CDH4: variants seen among roughly 807,000 people sequenced by gnomAD.
CDH4 encodes the protein cadherin 4, also known as cadherin-4.
CDH4 carries 33 observed loss-of-function variants against 86.0 expected under a neutral mutation model. The observed-to-expected ratio is 0.38, with a 90% CI of 0.29 to 0.51. The LOEUF (loss-of-function observed/expected upper bound fraction) is 0.51. CDH4 is among the 20% of genes least tolerant of loss of function. The pLI, the probability that CDH4 is intolerant of heterozygous loss-of-function variation, is 0.86. For missense variants in CDH4, 1,114 were observed against 1,307.4 expected, an observed-to-expected ratio of 0.85 and a Z score of 2.28; for synonymous variants, 555 against 549.4, an observed-to-expected ratio of 1.01 and a Z score of -0.14.
In CDH4 at chr20:61,940,452, A is replaced by G. The variant is rs573362605; in HGVS notation, c.*3509A>G. 6.6e-6 allele frequency: 1 copy of G among 150,734 alleles called. No homozygotes were observed. Among genetic ancestry groups the G allele is most frequent in the African/African-American group, 2.4e-5 (1 of 41,008 alleles). The allele number at this position is 150,734 out of a possible 1,614,324, so 9.3% of individuals were successfully genotyped here. A position where few individuals can be genotyped will look rare whatever the true frequency, so the allele number is the denominator to read the frequency against. On this transcript the variant is annotated 3_prime_UTR_variant, in exon 16 of 16. Transcript: ENST00000614565. Reference sequence around the variant, plus strand: ...TGTATTGTTGTTTGTATCATTTTGTACCAAAAAAAAAAAGGAAAAAAAAAG... The same window carrying G: ...TGTATTGTTGTTTGTATCATTTTGTGCCAAAAAAAAAAAGGAAAAAAAAAG...
chr20:61,537,478 G>A (rs764095145), intron 2 of CDH4, among the ~76,000 whole-genome samples: 5 of 152,246 alleles, frequency 3.3e-5, no homozygotes, highest in East Asian at 1.9e-4. Context: ...GCTGGGGACC[G>A]CAACCTCACA....
At position 61,938,482 on chromosome 20, in the gene CDH4, G is replaced by A. The variant is rs1320073879; in HGVS notation, c.*1539G>A. The A allele has an allele frequency of 1.3e-5, 2 of 152,490 alleles. No individual in the cohort carries two copies. The highest frequency in any genetic ancestry group is 3.8e-4 in the East Asian group (2 of 5,206). The allele number at this position is 152,490 out of a possible 1,614,324, so 9.4% of individuals were successfully genotyped here. On this transcript the variant is annotated 3_prime_UTR_variant, in exon 16 of 16. Transcript: ENST00000614565. The stretch of plus-strand genomic sequence containing the variant: ...CTTGGTCAGCTTTCTGTCTCTCCCA[G>A]GCCAGTGACAACTGGCTTCCCGAGG...
chr20:61,360,281 G>C lies in CDH4; in HGVS notation c.169+105344G>C, dbSNP rs567819426. ...TCCTTACCCTTGAGGATCTTTCCAG[G>C]GTATGAAGGATACCAGGTGAGACGT... On this transcript the variant is annotated intron_variant, in intron 2 of 15. Coordinates refer to ENST00000614565, the MANE Select transcript of CDH4 (RefSeq NM_001794.5). Among the ~76,000 whole-genome samples, 51 of 152,324 alleles carry C rather than the reference G, an allele frequency of 3.3e-4. No homozygotes were observed. In the South Asian group the frequency reaches 0.011, roughly 32 times the overall value.
In CDH4 at chr20:61,929,593, T is replaced by C. The variant is rs373569250; in HGVS notation, c.2006-16T>C. 4.4e-6 allele frequency: 7 copies of C among 1,599,772 alleles called. No individual in the cohort carries two copies. In the African/African-American group the frequency reaches 9.4e-5, roughly 21 times the overall value. ...GGCCGGGCTCTGGTTGAATGTTTAC[T>C]GTTGCTTTGCACCAGGTGACTATGC... On this transcript the variant is annotated splice_polypyrimidine_tract_variant and intron_variant, in intron 12 of 15. Coordinates refer to ENST00000614565, the MANE Select transcript of CDH4 (RefSeq NM_001794.5).
intron 2 of CDH4, among the ~76,000 whole-genome samples, chr20:61,494,414 T>A (rs969832340): frequency 3.3e-5 from 5 of 152,248 alleles, no homozygotes; most frequent in African/African-American, 1.2e-4. Flanking sequence ...ACAAATGCAT[T>A]GTTATCCATT....
At chr20:61,909,101 C>T (rs1399403739) in intron 8 of CDH4, among the ~76,000 whole-genome samples, 2 of 152,212 alleles carry the variant, frequency 1.3e-5, no homozygotes, top group African/African-American at 4.8e-5. Flanking sequence ...AACTCCAGGA[C>T]ACAACATTCT....
intron 2 of CDH4, among the ~76,000 whole-genome samples, chr20:61,531,022 G>A (rs536063888): frequency 1.3e-5 from 2 of 151,872 alleles, no homozygotes; most frequent in East Asian, 1.9e-4. Context: ...AGGCTCAACA[G>A]CCTTCAGGTT....
chr20:61,927,882 G>A (rs1470915141), intron 11 of CDH4, among the ~76,000 whole-genome samples: 1 of 152,044 alleles, frequency 6.6e-6, no homozygotes, highest in African/African-American at 2.4e-5. Flanking sequence ...CGCAGTGGCT[G>A]TGTGCGTGTG....
At chr20:61,492,979 G>A (rs189483322) in intron 2 of CDH4, among the ~76,000 whole-genome samples, 50 of 152,312 alleles carry the variant, frequency 3.3e-4, no homozygotes, top group African/African-American at 7.0e-4. Flanking sequence ...TTGAGCTGTC[G>A]TGCCTGTCAG....
chr20:61,344,244 A>G (rs1240604469), intron 2 of CDH4, among the ~76,000 whole-genome samples: 7 of 151,802 alleles, frequency 4.6e-5, no homozygotes, highest in Non-Finnish European at 1.5e-5. Flanking sequence ...GTATTCTTAC[A>G]CCCTTTGATG....
chr20:61,432,136 C>T (rs931118626), intron 2 of CDH4, among the ~76,000 whole-genome samples: 2 of 152,146 alleles, frequency 1.3e-5, no homozygotes, highest in Non-Finnish European at 1.5e-5. Context: ...GTTCCACCTA[C>T]CTGGGGTAAA....
At chr20:61,628,212 G>C (rs1368958522) in intron 2 of CDH4, among the ~76,000 whole-genome samples, 4 of 152,252 alleles carry the variant, frequency 2.6e-5, no homozygotes, top group Non-Finnish European at 5.9e-5. Context: ...AGGACCCCCG[G>C]CTGCTGCGTC....
intron 2 of CDH4, among the ~76,000 whole-genome samples, chr20:61,632,026 G>A (rs1472231880): frequency 1.3e-5 from 2 of 152,254 alleles, no homozygotes; most frequent in African/African-American, 2.4e-5. Flanking sequence ...AGTGGCTGTC[G>A]GGATGATGCC....
intron 9 of CDH4, among the ~76,000 whole-genome samples, chr20:61,918,831 C>T (rs909557646): frequency 3.9e-5 from 6 of 152,172 alleles, no homozygotes; most frequent in African/African-American, 1.2e-4. Flanking sequence ...CAGGAGCCAC[C>T]GTCTCAGTTT....
At chr20:61,602,200 G>A (rs1449389170) in intron 2 of CDH4, among the ~76,000 whole-genome samples, 1 of 152,200 alleles carries the variant, frequency 6.6e-6, no homozygotes, top group Non-Finnish European at 1.5e-5. Flanking sequence ...GTTAGGGGAT[G>A]CTGCCAGCAC....
At chr20:61,700,509 G>A (rs943032515) in intron 2 of CDH4, among the ~76,000 whole-genome samples, 2 of 152,218 alleles carry the variant, frequency 1.3e-5, no homozygotes, top group Admixed American at 6.5e-5. Flanking sequence ...TCAGCCCAGA[G>A]GGCAGGAACC....
chr20:61,443,714 A>G (rs1021646917), intron 2 of CDH4, among the ~76,000 whole-genome samples: 2 of 152,156 alleles, frequency 1.3e-5, no homozygotes, highest in South Asian at 2.1e-4. Flanking sequence ...TGCGACTCAT[A>G]TGATTTATAC....
intron 2 of CDH4, among the ~76,000 whole-genome samples, chr20:61,262,118 G>A (rs567468800): frequency 1.3e-5 from 2 of 152,206 alleles, no homozygotes; most frequent in South Asian, 2.1e-4. Flanking sequence ...CAACACTCAC[G>A]TTGTGACATG....
At position 61,518,339 on chromosome 20, in the gene CDH4, CTG is replaced by C. The variant is rs1318050804; in HGVS notation, c.170-225222_170-225221del. Among the ~76,000 whole-genome samples, 6 of 152,164 alleles carry C rather than the reference CTG, an allele frequency of 3.9e-5. No homozygotes were observed. The East Asian group carries it at 1.2e-3, about 29-fold the overall frequency. On this transcript the variant is annotated intron_variant, in intron 2 of 15. Transcript: ENST00000614565. This position sits in a 1 kb window ranked among gnomAD's most constrained non-coding sequence, Gnocchi z 6.3. ...TAACCACCTCTTCCCTATGCTAAGTCTGTTCCACCTAAAGGAAAGGTACGTTA... is the reference window on the plus strand; with the variant it reads ...TAACCACCTCTTCCCTATGCTAAGTCTTCCACCTAAAGGAAAGGTACGTTA...
Sources: gnomAD v4.1 joint callset for allele counts (sites outside exome capture counted in the v4.1 genomes callset) on GRCh38, gnomAD v4.1.1 for gene constraint, Gnocchi (gnomAD v3.1) non-coding constraint, MANE v1.5 for transcripts, NCBI Gene and HGNC (gene_info 2026-07-23, HGNC 2026-07-21) for gene names.